Variants in HYAL4 observed in about 807,000 individuals in gnomAD.
The protein encoded by HYAL4 is hyaluronidase 4.
In HYAL4, 37 loss-of-function variants were observed where a neutral mutation model predicts 35.2. The observed-to-expected ratio is 1.05, with a 90% confidence interval of 0.81 to 1.38. The LOEUF is 1.38. Ranked by LOEUF, HYAL4 falls within the 40% of genes most tolerant of loss-of-function variation. The probability of loss-of-function intolerance (pLI) is 0.00; values close to 1 mark genes in which losing one functional copy is unlikely to be tolerated. For missense variants in HYAL4, 572 were observed against 572.4 expected, an observed-to-expected ratio of 1.00 and a Z score of 0.01; for synonymous variants, 198 against 203.2, an observed-to-expected ratio of 0.97 and a Z score of 0.22.
the HYAL4 span, among the ~76,000 whole-genome samples, chr7:123,778,818 C>T: frequency 6.6e-6 from 1 of 152,104 alleles, no homozygotes; most frequent in Admixed American, 6.6e-5. Context: ...TATTCCTTTT[C>T]AAATTTTTAC....
chr7:123,800,011 C>T, the HYAL4 span, among the ~76,000 whole-genome samples: 1 of 151,792 alleles, frequency 6.6e-6, no homozygotes, highest in Non-Finnish European at 1.5e-5. Flanking sequence ...AAATACAAAG[C>T]ATCAGCTAGG....
chr7:123,766,118 A>G, the HYAL4 span, among the ~76,000 whole-genome samples: 1 of 152,094 alleles, frequency 6.6e-6, no homozygotes, highest in Admixed American at 6.5e-5. Flanking sequence ...ATAATTCCTA[A>G]TAGAAAAGGC....
chr7:123,770,804 A>G, the HYAL4 span, among the ~76,000 whole-genome samples: 1 of 152,168 alleles, frequency 6.6e-6, no homozygotes, highest in Non-Finnish European at 1.5e-5. Context: ...GGTTTTATAT[A>G]TGACATATGC....
intron 2 of HYAL4, among the ~76,000 whole-genome samples, chr7:123,858,246 A>T (rs1239588313): frequency 1.3e-5 from 2 of 152,200 alleles, no homozygotes; most frequent in Non-Finnish European, 2.9e-5. Context: ...CAAAAAGTGA[A>T]GAAAATTATA....
chr7:123,819,492 T>G, the HYAL4 span: 1 of 152,682 alleles, frequency 6.5e-6, no homozygotes, highest in East Asian at 1.9e-4. Flanking sequence ...TAAAAACATT[T>G]TTTTTTTCGC....
chr7:123,843,831 G>A (rs993605582), upstream of HYAL4, among the ~76,000 whole-genome samples: 13 of 151,820 alleles, frequency 8.6e-5, no homozygotes, highest in Admixed American at 4.6e-4. Context: ...CTTGTGCCAT[G>A]GTTTTCAGCT....
At chr7:123,799,431 A>G in the HYAL4 span, among the ~76,000 whole-genome samples, 2 of 150,168 alleles carry the variant, frequency 1.3e-5, no homozygotes, top group Non-Finnish European at 3.0e-5. Flanking sequence ...TAAATTTATA[A>G]AATTATAAAA....
At chr7:123,825,823 A>C (rs1435990997), upstream of HYAL4, among the ~76,000 whole-genome samples, 2 of 152,014 alleles carry the variant, frequency 1.3e-5, no homozygotes, top group African/African-American at 4.8e-5. Flanking sequence ...TTATCAATTC[A>C]ATTTTCTAAT....
At chr7:123,775,782 T>C in the HYAL4 span, among the ~76,000 whole-genome samples, 2 of 152,024 alleles carry the variant, frequency 1.3e-5, no homozygotes, top group Non-Finnish European at 2.9e-5. Flanking sequence ...AGTTCCCTAC[T>C]TTTTTTTGAT....
chr7:123,828,430 A>G (rs1331478289), upstream of HYAL4, among the ~76,000 whole-genome samples: 1 of 124,922 alleles, frequency 8.0e-6, no homozygotes, highest in Non-Finnish European at 1.8e-5. Context: ...TCATAATTAC[A>G]CACACACACA....
chr7:123,795,820 G>T, the HYAL4 span, among the ~76,000 whole-genome samples: 1 of 152,162 alleles, frequency 6.6e-6, no homozygotes, highest in Non-Finnish European at 1.5e-5. Flanking sequence ...GATAAGAAAT[G>T]CTACTAGTTT....
the HYAL4 span, among the ~76,000 whole-genome samples, chr7:123,791,581 G>C: frequency 6.6e-6 from 1 of 152,334 alleles, no homozygotes; most frequent in South Asian, 2.1e-4. Context: ...GGAAGGGCCT[G>C]GTTCTTGGTC....
At chr7:123,838,721 C>T (rs942649992) in intron 1 of HYAL4, among the ~76,000 whole-genome samples, 6 of 151,932 alleles carry the variant, frequency 3.9e-5, no homozygotes, top group East Asian at 1.9e-4. Flanking sequence ...ATTATTCCCC[C>T]GAATATGTTT....
At chr7:123,855,195 T>C (rs114067563) in intron 2 of HYAL4, among the ~76,000 whole-genome samples, 3,200 of 152,288 alleles carry the variant, frequency 0.021, 104 homozygotes, top group African/African-American at 0.073. Flanking sequence ...GAATTTAGCT[T>C]GTTTACATTT....
At chr7:123,807,914 A>AATTATT in the HYAL4 span, among the ~76,000 whole-genome samples, 65,424 of 136,244 alleles carry the variant, frequency 0.48, 16,177 homozygotes, top group Non-Finnish European at 0.53. Flanking sequence ...TTAGCTGGAT[A>AATTATT]ATTATTATTA....
intron 2 of HYAL4, among the ~76,000 whole-genome samples, chr7:123,851,471 T>A (rs1345856055): frequency 6.6e-6 from 1 of 152,134 alleles, no homozygotes; most frequent in African/African-American, 2.4e-5. Context: ...CGACTCCCAC[T>A]TACGAGTGAG....
the HYAL4 span, among the ~76,000 whole-genome samples, chr7:123,785,159 G>T: frequency 6.6e-6 from 1 of 152,108 alleles, no homozygotes; most frequent in African/African-American, 2.4e-5. This position sits in a 1 kb window ranked among gnomAD's most constrained non-coding sequence, Gnocchi z 4.5. Context: ...CCACTTTCCA[G>T]GCTGCAGCCT....
the HYAL4 span, among the ~76,000 whole-genome samples, chr7:123,778,387 C>T: frequency 6.6e-6 from 1 of 152,114 alleles, no homozygotes; most frequent in Non-Finnish European, 1.5e-5. Context: ...CTAAATTTTG[C>T]CAATTGACGG....
At chr7:123,830,152 G>T (rs2116904934) in intron 1 of HYAL4, among the ~76,000 whole-genome samples, 1 of 152,228 alleles carries the variant, frequency 6.6e-6, no homozygotes, top group South Asian at 2.1e-4. Flanking sequence ...AAGCATTCAG[G>T]TTTTGTCGTA....
Sources: gnomAD v4.1 joint callset for allele counts (sites outside exome capture counted in the v4.1 genomes callset) on GRCh38, gnomAD v4.1.1 for gene constraint, Gnocchi (gnomAD v3.1) non-coding constraint, MANE v1.5 for transcripts, NCBI Gene and HGNC (gene_info 2026-07-23, HGNC 2026-07-21) for gene names.